LPCAT1: variants seen among roughly 807,000 people sequenced by gnomAD.
LPCAT1 encodes the protein 1-acylglycerol-3-phosphate O-acyltransferase.
In LPCAT1, 23 loss-of-function variants were observed where a neutral mutation model predicts 60.9. The ratio of observed to expected loss-of-function variants is 0.38; its 90% CI spans 0.27 to 0.53. The LOEUF (loss-of-function observed/expected upper bound fraction) is 0.53. LPCAT1 is among the 20% of genes least tolerant of loss of function. LPCAT1 has a pLI of 0.82. For missense variants in LPCAT1, 622 were observed against 723.6 expected, an observed-to-expected ratio of 0.86 and a Z score of 1.61; for synonymous variants, 340 against 301.1, an observed-to-expected ratio of 1.13 and a Z score of -1.34.
chr5:1,513,926 G>A (rs1467278391), intron 1 of LPCAT1, among the ~76,000 whole-genome samples: 1 of 150,528 alleles, frequency 6.6e-6, no homozygotes, highest in Non-Finnish European at 1.5e-5. Flanking sequence ...GGAACACCCT[G>A]TGATGACATT....
chr5:1,523,606 G>T lies in LPCAT1; in HGVS notation c.135+104C>A. 1.2e-6 allele frequency: 1 copy of T among 821,782 alleles called. No homozygotes were observed. Among genetic ancestry groups the T allele is most frequent in the Non-Finnish European group, 1.5e-6 (1 of 675,228 alleles). The allele number at this position is 821,782 out of a possible 1,614,324, so 50.9% of individuals were successfully genotyped here. On this transcript the variant is annotated intron_variant, in intron 1 of 13. Coordinates refer to ENST00000283415, the MANE Select transcript of LPCAT1 (RefSeq NM_024830.5). The surrounding 1 kb of genome is among the most constrained non-coding windows in gnomAD (Gnocchi z 7.1). ...GCGCCGCGGCTCGCAGGGCCGCGCC[G>T]CGCCCCAGGCCCCCTCCCCGGCCCC...
At chr5:1,493,663 C>A (rs1428055759) in intron 3 of LPCAT1, among the ~76,000 whole-genome samples, 1 of 152,156 alleles carries the variant, frequency 6.6e-6, no homozygotes, top group East Asian at 1.9e-4. Context: ...GGCCCAGATG[C>A]CCTGAAGAGC....
intron 13 of LPCAT1, among the ~76,000 whole-genome samples, chr5:1,465,837 C>A (rs368213146): frequency 6.6e-6 from 1 of 152,024 alleles, no homozygotes. Context: ...CGTATGCACA[C>A]GCACGGTAAC....
At chr5:1,516,755 C>T (rs1736517588) in intron 1 of LPCAT1, among the ~76,000 whole-genome samples, 1 of 152,140 alleles carries the variant, frequency 6.6e-6, no homozygotes, top group South Asian at 2.1e-4. Context: ...GCTGCTGTCC[C>T]CAGGTACCAG....
chr5:1,466,915 T>G (rs1187420528), intron 12 of LPCAT1, 25 bp from the exon 13 acceptor site: 1 of 1,536,972 alleles, frequency 6.5e-7, no homozygotes, highest in East Asian at 2.5e-5. Context: ...GGGTGTCACC[T>G]TGCAGCCTCC....
chr5:1,463,569 G>C lies in LPCAT1; in HGVS notation c.*82C>G, dbSNP rs913813650. 6.8e-7 allele frequency: 1 copy of C among 1,468,380 alleles called. No individual in the cohort carries two copies. Among genetic ancestry groups the C allele is most frequent in the African/African-American group, 1.4e-5 (1 of 71,780 alleles). The allele number at this position is 1,468,380 out of a possible 1,614,324, so 91.0% of individuals were successfully genotyped here. A position where few individuals can be genotyped will look rare whatever the true frequency, so the allele number is the denominator to read the frequency against. On this transcript the variant is annotated 3_prime_UTR_variant, in exon 14 of 14. Transcript: ENST00000283415. Reference sequence around the variant, plus strand: ...TGCCTGTACAGCAGGAGTGAGGAGCGGAGCCCAGAGGTCACTCGCAAAGAG... The same window carrying C: ...TGCCTGTACAGCAGGAGTGAGGAGCCGAGCCCAGAGGTCACTCGCAAAGAG...
intron 12 of LPCAT1, among the ~76,000 whole-genome samples, chr5:1,469,393 T>C (rs1734577344): frequency 6.6e-6 from 1 of 152,166 alleles, no homozygotes; most frequent in Non-Finnish European, 1.5e-5. Flanking sequence ...CACAGCCCAT[T>C]GTTCATGTTG....
intron 1 of LPCAT1, among the ~76,000 whole-genome samples, chr5:1,512,069 A>T (rs1413749497): frequency 6.6e-6 from 1 of 152,190 alleles, no homozygotes; most frequent in Admixed American, 6.5e-5. Flanking sequence ...CATCACCACC[A>T]GGACACAGCA....
At chr5:1,517,456 C>T (rs926939181) in intron 1 of LPCAT1, among the ~76,000 whole-genome samples, 1 of 152,178 alleles carries the variant, frequency 6.6e-6, no homozygotes, top group Non-Finnish European at 1.5e-5. Flanking sequence ...AGCGGTGAGA[C>T]GGAGTGGGAC....
At chr5:1,506,575 G>A (rs934861306) in intron 1 of LPCAT1, among the ~76,000 whole-genome samples, 4 of 152,276 alleles carry the variant, frequency 2.6e-5, no homozygotes, top group African/African-American at 4.8e-5. Context: ...GCTGCAGAGA[G>A]AGAAGCTGGC....
chr5:1,517,520 C>T (rs1171776272), intron 1 of LPCAT1, among the ~76,000 whole-genome samples: 3 of 152,244 alleles, frequency 2.0e-5, no homozygotes, highest in East Asian at 3.9e-4. Flanking sequence ...GGGCGCTCTG[C>T]CCCTGCAGGC....
Position 1,463,687 on chromosome 5 carries a change from G to A in LPCAT1, c.1569C>T (p.Asp523=), listed in dbSNP as rs2126454171. 5 of 1,614,246 alleles carry A rather than the reference G, an allele frequency of 3.1e-6. No individual in the cohort carries two copies. The highest frequency in any genetic ancestry group is 2.5e-6 in the Non-Finnish European group (3 of 1,180,040). ...FCADFSPENS[D]AGRKPVRKKL... ...TCTTGCGAACAGGCTTCCGCCCAGC[G>A]TCTGAGTTTTCCGGGCTGAAATCGG... Residue 523 remains aspartate, a synonymous_variant, in exon 14 of 14, where the codon GAC becomes GAT. Transcript: ENST00000283415.
intron 1 of LPCAT1, among the ~76,000 whole-genome samples, chr5:1,511,714 G>C (rs1463245810): frequency 2.0e-5 from 3 of 152,240 alleles, no homozygotes; most frequent in African/African-American, 7.2e-5. Context: ...CAGGGTCAGA[G>C]AACAGCCAGG....
At position 1,480,892 on chromosome 5, in the gene LPCAT1, C is replaced by G. The variant is rs138001473; in HGVS notation, c.761+50G>C. 2.5e-6 allele frequency: 4 copies of G among 1,609,060 alleles called. No homozygotes were observed. The highest frequency in any genetic ancestry group is 1.7e-5 in the Admixed American group (1 of 59,998). On this transcript the variant is annotated intron_variant, in intron 7 of 13. Coordinates refer to ENST00000283415, the MANE Select transcript of LPCAT1 (RefSeq NM_024830.5). This position sits in a 1 kb window ranked among gnomAD's most constrained non-coding sequence, Gnocchi z 6.4. ...CACAGCAGACCCCAAGCAGCCCCTA[C>G]GTGTTCATGGAACAACAGGACAAAG...
In LPCAT1 at chr5:1,523,069, A is replaced by G. The variant is rs1402286413; in HGVS notation, c.135+641T>C. Reference sequence around the variant, plus strand: ...AAAGCATCCCTTACAACAGGAGCGAAGCATGCACCCCAGAAGGCAACGTGC... The same window carrying G: ...AAAGCATCCCTTACAACAGGAGCGAGGCATGCACCCCAGAAGGCAACGTGC... On this transcript the variant is annotated intron_variant, in intron 1 of 13. Transcript: ENST00000283415. The surrounding 1 kb of genome is among the most constrained non-coding windows in gnomAD (Gnocchi z 7.1). 2.0e-5 allele frequency among the ~76,000 whole-genome samples: 3 copies of G among 152,206 alleles called. No individual in the cohort carries two copies. The East Asian group carries it at 5.8e-4, about 29-fold the overall frequency.
At chr5:1,512,571 T>C (rs1041691149) in intron 1 of LPCAT1, among the ~76,000 whole-genome samples, 1 of 152,216 alleles carries the variant, frequency 6.6e-6, no homozygotes, top group African/African-American at 2.4e-5. Flanking sequence ...CAAATGCAGA[T>C]TCCTGGACAC....
intron 2 of LPCAT1, 30 bp from the exon 3 acceptor site, chr5:1,494,944 C>T: frequency 6.4e-7 from 1 of 1,553,362 alleles, no homozygotes; most frequent in Admixed American, 1.9e-5. Flanking sequence ...GTCACGCGGG[C>T]ACACGTCCGC....
Position 1,461,934 on chromosome 5 carries a change from C to CTGCA in LPCAT1, c.*1713_*1716dup, listed in dbSNP as rs1734113543. 1 of 152,576 alleles carries CTGCA rather than the reference C, an allele frequency of 6.6e-6. No homozygotes were observed. The highest frequency in any genetic ancestry group is 1.5e-5 in the Non-Finnish European group (1 of 68,040). The allele number at this position is 152,576 out of a possible 1,614,324, so 9.5% of individuals were successfully genotyped here. A position where few individuals can be genotyped will look rare whatever the true frequency, so the allele number is the denominator to read the frequency against. ...ATCAGTGACTGTTAGCTACCAAAGG[C>CTGCA]TGCACTAGGATTTCTTCTGTGTCCA... is the stretch of plus-strand genomic sequence containing the variant. On this transcript the variant is annotated 3_prime_UTR_variant, in exon 14 of 14. Coordinates refer to ENST00000283415, the MANE Select transcript of LPCAT1 (RefSeq NM_024830.5).
Position 1,521,427 on chromosome 5 carries a change from T to C in LPCAT1, c.135+2283A>G. On this transcript the variant is annotated intron_variant, in intron 1 of 13. Transcript: ENST00000283415. The surrounding 1 kb of genome is among the most constrained non-coding windows in gnomAD (Gnocchi z 4.3). Reference sequence around the variant, plus strand: ...GCCACTACTGGACCCATTTCTTTCTTTGGGGAAGAAGGCTTTCTTGGCTTG... The same window carrying C: ...GCCACTACTGGACCCATTTCTTTCTCTGGGGAAGAAGGCTTTCTTGGCTTG... The C allele has an allele frequency of 1.0e-6, 1 of 985,372 alleles. No individual in the cohort carries two copies. The highest frequency in any genetic ancestry group is 1.2e-6 in the Non-Finnish European group (1 of 829,868). The allele number at this position is 985,372 out of a possible 1,614,324, so 61.0% of individuals were successfully genotyped here.
Sources: gnomAD v4.1 joint callset for allele counts (sites outside exome capture counted in the v4.1 genomes callset) on GRCh38, gnomAD v4.1.1 for gene constraint, Gnocchi (gnomAD v3.1) non-coding constraint, MANE v1.5 for transcripts, NCBI Gene and HGNC (gene_info 2026-07-23, HGNC 2026-07-21) for gene names.